Variants in PXK observed in about 807,000 individuals in gnomAD.
The protein encoded by PXK is PX domain containing serine/threonine kinase like, also known as PX domain-containing protein kinase-like protein.
Under a neutral mutation model 84.7 loss-of-function variants are expected in PXK, and 35 were observed. That is an observed-to-expected ratio of 0.41 (90% CI 0.32 to 0.55). PXK has a LOEUF of 0.55. PXK is among the 20% of genes least tolerant of loss of function. The pLI is 0.21. For synonymous variants in PXK, 253 were observed against 260.8 expected (o/e 0.97, Z 0.29); for missense variants, 634 against 699.7 (o/e 0.91, Z 1.06).
intron 1 of PXK, among the ~76,000 whole-genome samples, chr3:58,334,810 C>A (rs949830293): frequency 6.6e-6 from 1 of 152,180 alleles, no homozygotes; most frequent in Non-Finnish European, 1.5e-5. Context: ...TTCAACCTTA[C>A]TATGCCTCTT....
At chr3:58,408,895 A>G (rs2059780510) in intron 13 of PXK, 29 bp from the exon 14 acceptor site, 4 of 1,492,994 alleles carry the variant, frequency 2.7e-6, no homozygotes, top group Non-Finnish European at 2.8e-6. Flanking sequence ...ACCTTTTTCA[A>G]TAGATGATGT....
intron 1 of PXK, among the ~76,000 whole-genome samples, chr3:58,335,473 G>A (rs1176278726): frequency 6.6e-6 from 1 of 152,170 alleles, no homozygotes; most frequent in Admixed American, 6.5e-5. Context: ...TTTAAAACAG[G>A]AACTGTTGGA....
chr3:58,421,076 C>T lies in PXK; in HGVS notation c.1529-3676C>T, dbSNP rs976061862. 17 of 993,494 alleles carry T rather than the reference C, an allele frequency of 1.7e-5. No homozygotes were observed. Among genetic ancestry groups the T allele is most frequent in the Non-Finnish European group, 1.9e-5 (16 of 835,336 alleles). The allele number at this position is 993,494 out of a possible 1,614,324, so 61.5% of individuals were successfully genotyped here. ...CTGTGACAGGAGTACAGCCTCCTCA[C>T]CTGCCTGAAGCCAAAGGAGAAGGTG... On this transcript the variant is annotated intron_variant, in intron 17 of 17. Transcript: ENST00000356151. This position sits in a 1 kb window ranked among gnomAD's most constrained non-coding sequence, Gnocchi z 5.5.
At chr3:58,377,972 A>C (rs1283440362) in intron 3 of PXK, among the ~76,000 whole-genome samples, 1 of 152,206 alleles carries the variant, frequency 6.6e-6, no homozygotes, top group Non-Finnish European at 1.5e-5. Flanking sequence ...GTGAAGGTCA[A>C]GGAGTTGCAA....
At chr3:58,371,493 G>T (rs1455257661) in intron 3 of PXK, among the ~76,000 whole-genome samples, 2 of 152,208 alleles carry the variant, frequency 1.3e-5, no homozygotes, top group Non-Finnish European at 2.9e-5. Flanking sequence ...ACCTTTGCTT[G>T]TGCATAAAGG....
Position 58,414,060 on chromosome 3 carries a change from T to A in PXK, c.1528+1097T>A, listed in dbSNP as rs1292454456. The A allele has an allele frequency of 1.3e-5, 2 of 152,186 alleles. No homozygotes were observed. Among genetic ancestry groups the A allele is most frequent in the African/African-American group, 4.8e-5 (2 of 41,420 alleles). 9.4% of individuals were successfully genotyped at this position (152,186 alleles called of 1,614,324 possible). A position where few individuals can be genotyped will look rare whatever the true frequency, so the allele number is the denominator to read the frequency against. ...GTCCATGGGAGGATATTCTTGTCCT[T>A]ATCTTTGTCAGCAGATTTCCCAAGA... is the stretch of plus-strand genomic sequence containing the variant. On this transcript the variant is annotated intron_variant, in intron 17 of 17. Transcript: ENST00000356151. The surrounding 1 kb of genome is among the most constrained non-coding windows in gnomAD (Gnocchi z 4.5).
intron 17 of PXK, among the ~76,000 whole-genome samples, chr3:58,423,826 C>T (rs2062363044): frequency 6.6e-6 from 1 of 152,152 alleles, no homozygotes; most frequent in Non-Finnish European, 1.5e-5. Context: ...TTATTCTGTC[C>T]TGAGAGAACC....
intron 17 of PXK, among the ~76,000 whole-genome samples, chr3:58,415,640 G>T (rs1190250413): frequency 1.3e-5 from 2 of 152,212 alleles, no homozygotes; most frequent in East Asian, 1.9e-4. Context: ...TGTTGTTATA[G>T]AACCCAATTT....
chr3:58,338,227 C>T (rs2107674983), intron 1 of PXK, among the ~76,000 whole-genome samples: 1 of 151,416 alleles, frequency 6.6e-6, no homozygotes, highest in African/African-American at 2.4e-5. Flanking sequence ...TGTCGTCCAG[C>T]TACTTGGGAG....
At chr3:58,344,943 T>C (rs1037674476) in intron 1 of PXK, among the ~76,000 whole-genome samples, 1 of 152,260 alleles carries the variant, frequency 6.6e-6, no homozygotes, top group Non-Finnish European at 1.5e-5. Context: ...ATTTCAGCTC[T>C]TCCCCTCTCA....
intron 1 of PXK, among the ~76,000 whole-genome samples, chr3:58,344,581 T>C (rs917274867): frequency 3.9e-5 from 6 of 152,158 alleles, no homozygotes; most frequent in African/African-American, 1.2e-4. Flanking sequence ...CCCAGCACTT[T>C]GGGAAGCCAA....
chr3:58,396,607 G>A (rs924322045), intron 9 of PXK, among the ~76,000 whole-genome samples: 1 of 152,234 alleles, frequency 6.6e-6, no homozygotes, highest in East Asian at 1.9e-4. Flanking sequence ...AGGAGAGACT[G>A]AACTAGAGAT....
At chr3:58,372,450 G>A (rs1422509928) in intron 3 of PXK, among the ~76,000 whole-genome samples, 1 of 151,922 alleles carries the variant, frequency 6.6e-6, no homozygotes, top group East Asian at 1.9e-4. Flanking sequence ...AGCCTCCCGA[G>A]TAGCTGGGAC....
At chr3:58,337,247 C>T (rs1419021436) in intron 1 of PXK, among the ~76,000 whole-genome samples, 6 of 152,160 alleles carry the variant, frequency 3.9e-5, no homozygotes, top group African/African-American at 1.4e-4. Flanking sequence ...TTTTTAAAAT[C>T]AGTGGAAAAG....
chr3:58,338,621 T>TA (rs1226922818), intron 1 of PXK, among the ~76,000 whole-genome samples: 330 of 145,896 alleles, frequency 2.3e-3, no homozygotes, highest in African/African-American at 7.2e-3. Flanking sequence ...AGACTCCGTC[T>TA]TAAAAAAAAA....
intron 3 of PXK, among the ~76,000 whole-genome samples, chr3:58,374,177 T>C (rs961966143): frequency 9.2e-5 from 13 of 141,990 alleles, no homozygotes; most frequent in African/African-American, 3.4e-4. Flanking sequence ...CTTTCTTTTT[T>C]TTTTTTTGTT....
Position 58,411,578 on chromosome 3 carries a change from T to A in PXK, c.1466-1323T>A, listed in dbSNP as rs2060210813. 6.6e-6 allele frequency among the ~76,000 whole-genome samples: 1 copy of A among 152,134 alleles called. No individual in the cohort carries two copies. The highest frequency in any genetic ancestry group is 1.5e-5 in the Non-Finnish European group (1 of 68,026). On this transcript the variant is annotated intron_variant, in intron 16 of 17. Coordinates refer to ENST00000356151, the MANE Select transcript of PXK (RefSeq NM_017771.5). This position sits in a 1 kb window ranked among gnomAD's most constrained non-coding sequence, Gnocchi z 4.2. ...CAGTCATTCTGTCCAGTAGCTAATT[T>A]TTTATAGAGCAGAGAAAGCCTGACA...
intron 8 of PXK, 65 bp downstream of exon 8, chr3:58,395,167 T>TAA (rs1157690018): frequency 8.2e-7 from 1 of 1,218,770 alleles, no homozygotes; most frequent in Admixed American, 1.8e-5. Context: ...TATTGATACT[T>TAA]AGTCTCTAAG....
intron 1 of PXK, among the ~76,000 whole-genome samples, chr3:58,344,434 G>A (rs750285693): frequency 4.6e-5 from 7 of 152,162 alleles, no homozygotes; most frequent in Non-Finnish European, 8.8e-5. Context: ...TTTTACCCTG[G>A]AGTAACACGT....
Sources: gnomAD v4.1 joint callset for allele counts (sites outside exome capture counted in the v4.1 genomes callset) on GRCh38, gnomAD v4.1.1 for gene constraint, Gnocchi (gnomAD v3.1) non-coding constraint, MANE v1.5 for transcripts, NCBI Gene and HGNC (gene_info 2026-07-23, HGNC 2026-07-21) for gene names.